Variants in FRMD3 observed in about 807,000 individuals in gnomAD.
FRMD3 encodes the protein FERM domain containing 3, also known as FERM domain-containing protein 3.
Under a neutral mutation model 70.2 loss-of-function variants are expected in FRMD3, and 33 were observed. The ratio of observed to expected loss-of-function variants is 0.47; its 90% CI spans 0.36 to 0.63. FRMD3 has a LOEUF of 0.63. Among genes scored for constraint, FRMD3 ranks in the 20% least tolerant of loss-of-function variants. The probability of loss-of-function intolerance (pLI) is 0.00; values close to 1 mark genes in which losing one functional copy is unlikely to be tolerated. For missense variants in FRMD3, 632 were observed against 711.4 expected, an observed-to-expected ratio of 0.89 and a Z score of 1.27; for synonymous variants, 279 against 255.9, an observed-to-expected ratio of 1.09 and a Z score of -0.86.
intron 1 of FRMD3, among the ~76,000 whole-genome samples, chr9:83,389,913 A>AACACACACACAC (rs756414554): frequency 6.6e-6 from 1 of 150,956 alleles, no homozygotes; most frequent in African/African-American, 2.4e-5. Flanking sequence ...CACACACACA[A>AACACACACACAC]ACACACACAC....
intron 6 of FRMD3, among the ~76,000 whole-genome samples, chr9:83,333,646 C>T (rs1049123572): frequency 1.3e-5 from 2 of 152,168 alleles, no homozygotes; most frequent in African/African-American, 4.8e-5. Flanking sequence ...TGTCTGAATA[C>T]CAGAAATTAC....
intron 1 of FRMD3, among the ~76,000 whole-genome samples, chr9:83,416,745 G>GTGTCTCTCTCTC (rs1826454601): frequency 9.8e-6 from 1 of 102,234 alleles, no homozygotes; most frequent in East Asian, 3.1e-4. Flanking sequence ...ATTTCTCTCT[G>GTGTCTCTCTCTC]TCTCTCTCTC....
At position 83,248,214 on chromosome 9, in the gene FRMD3, C is replaced by T. The variant is rs1832212741; in HGVS notation, c.1498G>A (p.Glu500Lys). 3.1e-6 allele frequency: 5 copies of T among 1,614,046 alleles called. No homozygotes were observed. Among genetic ancestry groups the T allele is most frequent in the African/African-American group, 1.3e-5 (1 of 74,904 alleles). ...AAAGCACGGCGAGCCTCCTTCAGCT[C>T]CTCTTCTTCAGCAATCAAAAAGGCG... Reference protein sequence around the residue: ...ENAFLIAEEEELKEARRALSW... With the variant: ...ENAFLIAEEEKLKEARRALSW... Residue 500 changes from glutamate (E) to lysine (K), a missense_variant, in exon 14 of 14, where the codon GAG becomes AAG. Glu to Lys is a moderately conservative substitution (Grantham distance 56, BLOSUM62 1). Transcript: ENST00000304195.
the FRMD3 span, among the ~76,000 whole-genome samples, chr9:83,579,448 G>A: frequency 6.6e-6 from 1 of 151,888 alleles, no homozygotes; most frequent in African/African-American, 2.4e-5. Flanking sequence ...TCAACCAACG[G>A]AAGAGAATAG....
intron 1 of FRMD3, among the ~76,000 whole-genome samples, chr9:83,497,886 G>A (rs1045954381): frequency 2.0e-5 from 3 of 152,226 alleles, no homozygotes; most frequent in Non-Finnish European, 4.4e-5. Context: ...GATAGCTCAT[G>A]CCTGTAATCC....
intron 1 of FRMD3, among the ~76,000 whole-genome samples, chr9:83,448,293 T>C (rs971287470): frequency 1.3e-5 from 2 of 152,184 alleles, no homozygotes; most frequent in African/African-American, 4.8e-5. Context: ...CGCTCCCTAT[T>C]GTCTCACTCC....
chr9:83,511,810 A>G (rs754030194), intron 1 of FRMD3, among the ~76,000 whole-genome samples: 4 of 152,202 alleles, frequency 2.6e-5, no homozygotes, highest in Non-Finnish European at 4.4e-5. Flanking sequence ...GACCACGTTG[A>G]CAGGGTTGTG....
chr9:83,442,788 C>T (rs891797421), intron 1 of FRMD3, among the ~76,000 whole-genome samples: 1 of 152,094 alleles, frequency 6.6e-6, no homozygotes, highest in South Asian at 2.1e-4. Flanking sequence ...GAGTTACCTC[C>T]CTTTCATCTC....
At chr9:83,542,805 C>T (rs1031192300), upstream of FRMD3, among the ~76,000 whole-genome samples, 2 of 152,152 alleles carry the variant, frequency 1.3e-5, no homozygotes, top group Admixed American at 6.5e-5. Flanking sequence ...CACACAAATA[C>T]AGTCAATTGA....
chr9:83,444,552 C>A (rs958790996), intron 1 of FRMD3, among the ~76,000 whole-genome samples: 1 of 152,222 alleles, frequency 6.6e-6, no homozygotes, highest in Non-Finnish European at 1.5e-5. Flanking sequence ...TTAGTTCTCC[C>A]TGTCCCAAAA....
intron 1 of FRMD3, among the ~76,000 whole-genome samples, chr9:83,519,097 C>T (rs191933755): frequency 1.6e-3 from 247 of 152,242 alleles, no homozygotes; most frequent in Non-Finnish European, 2.6e-3. Flanking sequence ...GACTTCATGA[C>T]TAAAACACCA....
chr9:83,390,883 A>G (rs2131299252), intron 1 of FRMD3, among the ~76,000 whole-genome samples: 1 of 152,358 alleles, frequency 6.6e-6, no homozygotes, highest in Non-Finnish European at 1.5e-5. Context: ...ATGTTACATA[A>G]TGATCTTTTC....
chr9:83,371,854 GAAGGGAGGAAGA>G (rs1346880011), intron 3 of FRMD3, among the ~76,000 whole-genome samples: 1 of 152,200 alleles, frequency 6.6e-6, no homozygotes, highest in Non-Finnish European at 1.5e-5. Flanking sequence ...GGAGGAATGG[GAAGGGAGGAAGA>G]GAGGGAGAAA....
intron 1 of FRMD3, among the ~76,000 whole-genome samples, chr9:83,437,805 T>C (rs1243818016): frequency 1.3e-5 from 2 of 152,222 alleles, no homozygotes; most frequent in African/African-American, 2.4e-5. Context: ...AGTACTTGAT[T>C]TCTCTTTTGC....
At chr9:83,459,094 G>A (rs1827899043) in intron 1 of FRMD3, among the ~76,000 whole-genome samples, 1 of 152,192 alleles carries the variant, frequency 6.6e-6, no homozygotes, top group Non-Finnish European at 1.5e-5. Flanking sequence ...TCTTACTCAT[G>A]TAAGTAACAA....
intron 1 of FRMD3, among the ~76,000 whole-genome samples, chr9:83,492,913 T>C (rs1224779203): frequency 6.6e-6 from 1 of 152,182 alleles, no homozygotes; most frequent in Non-Finnish European, 1.5e-5. Context: ...TCCCTTCTCC[T>C]CTACTCAGGG....
intron 1 of FRMD3, among the ~76,000 whole-genome samples, chr9:83,463,043 A>G (rs1309518953): frequency 6.6e-6 from 1 of 152,228 alleles, no homozygotes; most frequent in Non-Finnish European, 1.5e-5. Context: ...AGATTGCAAA[A>G]GAAGGATGCA....
At chr9:83,449,016 A>G (rs1458109280) in intron 1 of FRMD3, among the ~76,000 whole-genome samples, 1 of 152,198 alleles carries the variant, frequency 6.6e-6, no homozygotes, top group Admixed American at 6.5e-5. Context: ...GAGAGTGGAC[A>G]GCTTGCTGAG....
In FRMD3 at chr9:83,247,330, A is replaced by G; in HGVS notation, c.*588T>C. ...CAAAACATTAAAAAAATTCTGATAT[A>G]CCTTTTGTGCATTAGTCTTACAATC... is the stretch of plus-strand genomic sequence containing the variant. On this transcript the variant is annotated 3_prime_UTR_variant, in exon 14 of 14. Transcript: ENST00000304195. 1.0e-6 allele frequency: 1 copy of G among 983,842 alleles called. No individual in the cohort carries two copies. Among genetic ancestry groups the G allele is most frequent in the Non-Finnish European group, 1.2e-6 (1 of 829,338 alleles). The allele number at this position is 983,842 out of a possible 1,614,324, so 60.9% of individuals were successfully genotyped here. A position where few individuals can be genotyped will look rare whatever the true frequency, so the allele number is the denominator to read the frequency against.
Sources: gnomAD v4.1 joint callset for allele counts (sites outside exome capture counted in the v4.1 genomes callset) on GRCh38, gnomAD v4.1.1 for gene constraint, MANE v1.5 for transcripts, NCBI Gene and HGNC (gene_info 2026-07-23, HGNC 2026-07-21) for gene names.